BNIP2: variants seen among roughly 807,000 people sequenced by gnomAD.
BNIP2 encodes BCL2 interacting protein 2, also known as BCL2/adenovirus E1B 19 kDa protein-interacting protein 2.
In BNIP2, 36 loss-of-function variants were observed where a neutral mutation model predicts 43.4. The observed-to-expected ratio is 0.83, with a 90% CI of 0.64 to 1.10. The LOEUF is 1.10. BNIP2 is among the 50% of genes least tolerant of loss of function. BNIP2 has a pLI of 0.00. For missense variants in BNIP2, 417 were observed against 374.1 expected (o/e 1.11, Z -0.95); for synonymous variants, 146 against 121.0 (o/e 1.21, Z -1.35).
intron 1 of BNIP2, among the ~76,000 whole-genome samples, chr15:59,686,026 CTTGATTT>C: frequency 6.6e-6 from 1 of 152,160 alleles, no homozygotes; most frequent in African/African-American, 2.4e-5. Flanking sequence ...ACAGGAATAA[CTTGATTT>C]CTCAATAGAT....
In BNIP2 at chr15:59,669,353, T is replaced by C; in HGVS notation, c.717A>G (p.Lys239=). ...GTACAATGATTAGGGATTTTAGATT[T>C]TTCCGTAACCTGGAGTTTAAAAAAA... ...CYQQIDRRLR[K]NLKSLIIVHP... is the part of the protein sequence containing the mutation. Residue 239 remains lysine, a synonymous_variant, in exon 8 of 10, where the codon AAA becomes AAG. Coordinates refer to ENST00000607373, the MANE Select transcript of BNIP2 (RefSeq NM_004330.4). 3 of 1,523,778 alleles carry C rather than the reference T, an allele frequency of 2.0e-6. No individual in the cohort carries two copies. The highest frequency in any genetic ancestry group is 2.6e-6 in the Non-Finnish European group (3 of 1,141,000). The allele number at this position is 1,523,778 out of a possible 1,614,324, so 94.4% of individuals were successfully genotyped here.
rs1289175739 is a variant in BNIP2 at position 59,689,307 on chromosome 15, G to T, written c.-230C>A. ...CGGTACGGCGTCGGCGGCAGCAGCTGACCCGGACACAGTGAGAAGCCCCGG... is the reference window on the plus strand; with the variant it reads ...CGGTACGGCGTCGGCGGCAGCAGCTTACCCGGACACAGTGAGAAGCCCCGG... On this transcript the variant is annotated 5_prime_UTR_variant, in exon 1 of 10. Coordinates refer to ENST00000607373, the MANE Select transcript of BNIP2 (RefSeq NM_004330.4). The T allele has an allele frequency of 2.6e-6, 4 of 1,547,208 alleles. No homozygotes were observed. Among genetic ancestry groups the T allele is most frequent in the Non-Finnish European group, 2.6e-6 (3 of 1,145,892 alleles).
intron 9 of BNIP2, chr15:59,668,153 G>C: frequency 8.2e-7 from 1 of 1,226,248 alleles, no homozygotes; most frequent in African/African-American, 1.6e-5. Flanking sequence ...GTAGGGAAGA[G>C]TTATTTCAGT....
chr15:59,684,714 T>C (rs1893905701), intron 1 of BNIP2, among the ~76,000 whole-genome samples: 1 of 152,224 alleles, frequency 6.6e-6, no homozygotes, highest in African/African-American at 2.4e-5. Flanking sequence ...AATTCAATAA[T>C]CAGAAAAGCT....
chr15:59,683,195 T>C (rs755354974), intron 1 of BNIP2, among the ~76,000 whole-genome samples: 2 of 143,434 alleles, frequency 1.4e-5, no homozygotes, highest in Non-Finnish European at 3.0e-5. Flanking sequence ...CCATGAACTT[T>C]AGTTTTAGTT....
Position 59,671,333 on chromosome 15 carries a change from GT to G in BNIP2, c.576-20del. 1 of 1,568,046 alleles carries G rather than the reference GT, an allele frequency of 6.4e-7. No individual in the cohort carries two copies. Among genetic ancestry groups the G allele is most frequent in the East Asian group, 2.3e-5 (1 of 43,356 alleles). On this transcript the variant is annotated intron_variant, in intron 6 of 9. Coordinates refer to ENST00000607373, the MANE Select transcript of BNIP2 (RefSeq NM_004330.4). ...AACATATCTGTAAAAAACAAATTAA[GT>G]TTAAGCCTTAAAAATCACTGTGCAT...
chr15:59,668,139 CT>C, intron 9 of BNIP2: 1 of 1,280,292 alleles, frequency 7.8e-7, no homozygotes, highest in South Asian at 1.3e-5. Context: ...TTCTTCATAC[CT>C]TTGTAGGGAA....
intron 5 of BNIP2, among the ~76,000 whole-genome samples, chr15:59,675,836 C>A (rs1413236577): frequency 7.9e-5 from 12 of 152,196 alleles, no homozygotes; most frequent in African/African-American, 2.9e-4. Context: ...ATCTCAAAAA[C>A]TTCATGCTGA....
intron 1 of BNIP2, chr15:59,688,884 GA>G: frequency 8.3e-7 from 1 of 1,209,652 alleles, no homozygotes. Context: ...ACCAGAAACG[GA>G]AAAGCGACGG....
chr15:59,688,555 GA>G (rs1201916333), intron 1 of BNIP2: 3 of 731,924 alleles, frequency 4.1e-6, no homozygotes, highest in Admixed American at 2.7e-5. Context: ...AATGCATCCA[GA>G]AATCCAAACC....
At chr15:59,688,445 A>C in intron 1 of BNIP2, 1 of 318,222 alleles carries the variant, frequency 3.1e-6, no homozygotes, top group Non-Finnish European at 5.9e-6. Flanking sequence ...TATTCAATTA[A>C]ATAAATAGGA....
intron 2 of BNIP2, among the ~76,000 whole-genome samples, chr15:59,681,288 T>A (rs6151494): frequency 0.26 from 40,146 of 152,030 alleles, 5,577 homozygotes; most frequent in East Asian, 0.54. Context: ...CTATTTAAAC[T>A]TAAGGTCTGC....
At chr15:59,681,027 TA>T (rs1368223574) in intron 2 of BNIP2, among the ~76,000 whole-genome samples, 1 of 152,234 alleles carries the variant, frequency 6.6e-6, no homozygotes, top group African/African-American at 2.4e-5. Flanking sequence ...GTAACAATTT[TA>T]AACAAATATG....
At chr15:59,668,242 C>T in intron 9 of BNIP2, 2 of 624,090 alleles carry the variant, frequency 3.2e-6, no homozygotes, top group Non-Finnish European at 4.9e-6. Flanking sequence ...TCCAGCAAAA[C>T]CAAAAATATT....
chr15:59,682,718 T>C (rs148365819), intron 1 of BNIP2, among the ~76,000 whole-genome samples: 1 of 152,190 alleles, frequency 6.6e-6, no homozygotes, highest in East Asian at 1.9e-4. Context: ...AGTTAAATAC[T>C]GTTTATAGTA....
In BNIP2 at chr15:59,661,717, T is replaced by C. The variant is rs945544232; in HGVS notation, c.*2352A>G. ...AGAAAGATAAAAGTACAATCACATA[T>C]ACTTTCACCTTGGTCAGTAATGGGA... On this transcript the variant is annotated 3_prime_UTR_variant, in exon 10 of 10. Coordinates refer to ENST00000607373, the MANE Select transcript of BNIP2 (RefSeq NM_004330.4). 3 of 152,236 alleles carry C rather than the reference T, an allele frequency of 2.0e-5. No individual in the cohort carries two copies. Among genetic ancestry groups the C allele is most frequent in the East Asian group, 1.9e-4 (1 of 5,204 alleles). The allele number at this position is 152,236 out of a possible 1,614,324, so 9.4% of individuals were successfully genotyped here. A position where few individuals can be genotyped will look rare whatever the true frequency, so the allele number is the denominator to read the frequency against.
In BNIP2 at chr15:59,672,720, T is replaced by C; in HGVS notation, c.492A>G (p.Leu164=). The C allele has an allele frequency of 1.2e-6, 2 of 1,613,766 alleles. No individual in the cohort carries two copies. Among genetic ancestry groups the C allele is most frequent in the Middle Eastern group, 1.6e-4 (1 of 6,062 alleles). The stretch of plus-strand genomic sequence containing the variant: ...AGACAGCAAACACAACAATGGCATT[T>C]AATCCATCCCCATAATATCCTAAAA... ...ISHGGYYGDG[L]NAIVVFAVCF... The change falls in exon 6 of 10, where the codon TTA becomes TTG. Residue 164 remains leucine, a synonymous_variant. Transcript: ENST00000607373.
intron 5 of BNIP2, among the ~76,000 whole-genome samples, chr15:59,676,030 A>C (rs1403875190): frequency 6.6e-6 from 1 of 152,202 alleles, no homozygotes; most frequent in African/African-American, 2.4e-5. Context: ...TATGGGTTTT[A>C]TATATATGGG....
chr15:59,673,830 G>A (rs1893089375), intron 5 of BNIP2, among the ~76,000 whole-genome samples: 1 of 152,148 alleles, frequency 6.6e-6, no homozygotes. Flanking sequence ...GCTCATGCTT[G>A]TAATTCCAGC....
Sources: gnomAD v4.1 joint callset for allele counts (sites outside exome capture counted in the v4.1 genomes callset) on GRCh38, gnomAD v4.1.1 for gene constraint, MANE v1.5 for transcripts, NCBI Gene and HGNC (gene_info 2026-07-23, HGNC 2026-07-21) for gene names.